The following RBFOX1 variants were observed in gnomAD, a reference collection of about 807,000 sequenced individuals.
The protein encoded by RBFOX1 is RNA binding protein fox-1 homolog 1.
RBFOX1 carries 8 observed loss-of-function variants against 57.7 expected under a neutral mutation model. The observed-to-expected ratio is 0.14, with a 90% CI of 0.08 to 0.25. RBFOX1 has a LOEUF of 0.25. Among genes scored for constraint, RBFOX1 ranks in the 10% least tolerant of loss-of-function variants. The pLI is 1.00. For missense variants in RBFOX1, 611 were observed against 548.5 expected, an observed-to-expected ratio of 1.11 and a Z score of -1.14; for synonymous variants, 326 against 222.4, an observed-to-expected ratio of 1.47 and a Z score of -4.15.
chr16:6,563,918 A>G (rs115229854), intron 2 of RBFOX1, among the ~76,000 whole-genome samples: 4,507 of 151,158 alleles, frequency 0.03, 224 homozygotes, highest in African/African-American at 0.1. Flanking sequence ...GTGTGTGTGT[A>G]TATATATATA....
intron 3 of RBFOX1, among the ~76,000 whole-genome samples, chr16:7,006,209 C>T (rs2093285360): frequency 6.6e-6 from 1 of 152,022 alleles, no homozygotes; most frequent in Non-Finnish European, 1.5e-5. Context: ...GGCTGGAGTG[C>T]AGTGGCACGA....
At chr16:7,643,301 T>C (rs1194326365) in intron 11 of RBFOX1, among the ~76,000 whole-genome samples, 1 of 152,216 alleles carries the variant, frequency 6.6e-6, no homozygotes, top group African/African-American at 2.4e-5. Flanking sequence ...CCCAGTGTGC[T>C]CATTACATGT....
intron 2 of RBFOX1, among the ~76,000 whole-genome samples, chr16:6,625,412 A>G (rs2098291341): frequency 6.6e-6 from 1 of 152,212 alleles, no homozygotes; most frequent in Admixed American, 6.5e-5. Flanking sequence ...TGGCATGTAT[A>G]GGTGTCAAGT....
chr16:6,949,657 C>G (rs927086110), intron 3 of RBFOX1, among the ~76,000 whole-genome samples: 1 of 152,080 alleles, frequency 6.6e-6, no homozygotes, highest in Non-Finnish European at 1.5e-5. Flanking sequence ...GATTAAATCC[C>G]CAACCTTATG....
At chr16:7,187,240 A>C (rs2152563865) in intron 4 of RBFOX1, among the ~76,000 whole-genome samples, 1 of 152,264 alleles carries the variant, frequency 6.6e-6, no homozygotes, top group Non-Finnish European at 1.5e-5. Flanking sequence ...ATATGTAAGA[A>C]GAGTAGGAAC....
At chr16:6,698,585 C>T (rs766043365) in intron 3 of RBFOX1, among the ~76,000 whole-genome samples, 3 of 152,124 alleles carry the variant, frequency 2.0e-5, no homozygotes, top group Non-Finnish European at 2.9e-5. Flanking sequence ...TAGTATTTGC[C>T]AGAGCCCCAC....
chr16:6,390,573 G>T (rs2092550566), intron 2 of RBFOX1, among the ~76,000 whole-genome samples: 1 of 151,798 alleles, frequency 6.6e-6, no homozygotes, highest in Non-Finnish European at 1.5e-5. Flanking sequence ...AAGCATGGAA[G>T]AAACATATCA....
chr16:5,917,028 C>T (rs1055876766), intron 4 of RBFOX1, among the ~76,000 whole-genome samples: 1 of 152,236 alleles, frequency 6.6e-6, no homozygotes, highest in South Asian at 2.1e-4. Flanking sequence ...GTCAGAAGGG[C>T]TTCCACTGAG....
chr16:6,193,001 A>G (rs558806760), intron 1 of RBFOX1, among the ~76,000 whole-genome samples: 1 of 152,278 alleles, frequency 6.6e-6, no homozygotes, highest in East Asian at 1.9e-4. Flanking sequence ...CATTCATCTG[A>G]TGGCTGTGAA....
At chr16:6,756,230 C>T (rs1054004638) in intron 3 of RBFOX1, among the ~76,000 whole-genome samples, 2 of 151,886 alleles carry the variant, frequency 1.3e-5, no homozygotes, top group African/African-American at 2.4e-5. Context: ...GAAAGGACAC[C>T]CTCTTCAATA....
At chr16:7,013,899 C>A (rs140746013) in intron 3 of RBFOX1, among the ~76,000 whole-genome samples, 5 of 152,146 alleles carry the variant, frequency 3.3e-5, no homozygotes, top group African/African-American at 9.7e-5. Context: ...CTCCAAAAAT[C>A]TTCCTGCCTC....
At chr16:6,094,891 C>G (rs1294274201) in intron 1 of RBFOX1, among the ~76,000 whole-genome samples, 2 of 152,182 alleles carry the variant, frequency 1.3e-5, no homozygotes, top group South Asian at 2.1e-4. Context: ...GAAACCCTGT[C>G]TCTACTAAAA....
At chr16:7,684,049 AG>A (rs2146945877) in intron 14 of RBFOX1, among the ~76,000 whole-genome samples, 1 of 152,208 alleles carries the variant, frequency 6.6e-6, no homozygotes, top group South Asian at 2.1e-4. Flanking sequence ...TTTCAGTAAA[AG>A]TGTCTAATAT....
intron 2 of RBFOX1, among the ~76,000 whole-genome samples, chr16:6,419,502 A>G (rs1328351466): frequency 6.6e-6 from 1 of 152,224 alleles, no homozygotes; most frequent in African/African-American, 2.4e-5. Context: ...AGCAAAAGTT[A>G]ATTCAAGTAC....
rs532497414 is a variant in RBFOX1 at position 6,436,768 on chromosome 16, A to T, written c.-64+119711A>T. Among the ~76,000 whole-genome samples the T allele has an allele frequency of 1.5e-3, 232 of 152,230 alleles. 2 individuals are homozygous for T. The highest frequency in any genetic ancestry group is 5.5e-3 in the African/African-American group (228 of 41,542). On this transcript the variant is annotated intron_variant, in intron 2 of 15. Transcript: ENST00000550418. ...TCCGAGATGTAGTAGTAACTCAGTG[A>T]TTATTTGTTGGATGAATGAAAATAG...
intron 1 of RBFOX1, among the ~76,000 whole-genome samples, chr16:6,095,403 G>A (rs2096232704): frequency 6.6e-6 from 1 of 152,188 alleles, no homozygotes; most frequent in Admixed American, 6.5e-5. Flanking sequence ...GCCTGTGTCT[G>A]TGCACTTTCT....
At chr16:7,049,546 A>C (rs1019848060) in intron 3 of RBFOX1, among the ~76,000 whole-genome samples, 1 of 152,070 alleles carries the variant, frequency 6.6e-6, no homozygotes, top group Non-Finnish European at 1.5e-5. Context: ...ACAAAACCAG[A>C]GTGCTTCTCC....
intron 4 of RBFOX1, among the ~76,000 whole-genome samples, chr16:7,206,334 CTT>C (rs1457897861): frequency 1.3e-5 from 2 of 151,914 alleles, no homozygotes; most frequent in Non-Finnish European, 2.9e-5. Context: ...ATTGGTTTGA[CTT>C]TGCCTTGCCA....
chr16:6,985,030 G>C (rs889236319), intron 3 of RBFOX1, among the ~76,000 whole-genome samples: 1 of 145,940 alleles, frequency 6.9e-6, no homozygotes, highest in African/African-American at 2.5e-5. Flanking sequence ...TCCTGGCTTT[G>C]CTGGCCAGAT....
Sources: gnomAD v4.1 joint callset for allele counts (sites outside exome capture counted in the v4.1 genomes callset) on GRCh38, gnomAD v4.1.1 for gene constraint, MANE v1.5 for transcripts, NCBI Gene and HGNC (gene_info 2026-07-23, HGNC 2026-07-21) for gene names.